Variants in CDH7 observed in about 807,000 individuals in gnomAD.
CDH7 encodes the protein cadherin 7.
Under a neutral mutation model 71.8 loss-of-function variants are expected in CDH7, and 25 were observed. The ratio of observed to expected loss-of-function variants is 0.35; its 90% CI spans 0.25 to 0.49. CDH7 has a LOEUF of 0.49. CDH7 is among the 20% of genes least tolerant of loss of function. The pLI is 0.99. For missense variants in CDH7, 862 were observed against 974.6 expected (o/e 0.88, Z 1.54); for synonymous variants, 381 against 363.8 (o/e 1.05, Z -0.54).
At chr18:65,808,730 C>A (rs1911417456) in intron 2 of CDH7, among the ~76,000 whole-genome samples, 1 of 151,862 alleles carries the variant, frequency 6.6e-6, no homozygotes, top group Admixed American at 6.6e-5. Flanking sequence ...TTAAAAAATG[C>A]AAACATAGTT....
Position 65,888,954 on chromosome 18 carries a change from G to A in CDH7, c.*8060G>A, listed in dbSNP as rs1599076311. On this transcript the variant is annotated 3_prime_UTR_variant, in exon 12 of 12. Transcript: ENST00000397968. ...TAATTATGCTTTAGTTCCCTTACCA[G>A]GATTAGGAAACTTCTTTGTGATTCT... 6.6e-6 allele frequency: 1 copy of A among 152,048 alleles called. No homozygotes were observed. The highest frequency in any genetic ancestry group is 1.5e-5 in the Non-Finnish European group (1 of 68,010). The allele number at this position is 152,048 out of a possible 1,614,324, so 9.4% of individuals were successfully genotyped here. A position where few individuals can be genotyped will look rare whatever the true frequency, so the allele number is the denominator to read the frequency against.
chr18:65,850,106 G>A (rs1351187866), intron 7 of CDH7, among the ~76,000 whole-genome samples: 2 of 150,956 alleles, frequency 1.3e-5, no homozygotes, highest in East Asian at 3.9e-4. Context: ...GGAGGGTGCA[G>A]TGAGCTGAGA....
rs1201620473 is a variant in CDH7 at position 65,866,300 on chromosome 18, AAAAAAAAAAAAAAAC to A, written c.1864+3398_1864+3412del. 3 of 2,010 alleles carry A rather than the reference AAAAAAAAAAAAAAAC, an allele frequency of 1.5e-3. 1 individual carries two copies. Among genetic ancestry groups the A allele is most frequent in the African/African-American group, 2.1e-3 (3 of 1,398 alleles). The allele number at this position is 2,010 out of a possible 1,614,324, so 0.1% of individuals were successfully genotyped here. A position where few individuals can be genotyped will look rare whatever the true frequency, so the allele number is the denominator to read the frequency against. On this transcript the variant is annotated intron_variant, in intron 11 of 11. Coordinates refer to ENST00000397968, the MANE Select transcript of CDH7 (RefSeq NM_004361.5). ...GGCGACAGAGCAAGACTCCGTCTCA[AAAAAAAAAAAAAAAC>A]AAAAAAAAAAAAAAACAAAAAAAAA...
chr18:65,776,654 C>T (rs1323042711), intron 2 of CDH7, among the ~76,000 whole-genome samples: 1 of 152,008 alleles, frequency 6.6e-6, no homozygotes, highest in Non-Finnish European at 1.5e-5. Flanking sequence ...CTTGACCATG[C>T]CTTAGGTCAG....
intron 2 of CDH7, among the ~76,000 whole-genome samples, chr18:65,781,051 G>T (rs916437984): frequency 2.0e-5 from 3 of 150,970 alleles, no homozygotes; most frequent in Non-Finnish European, 4.4e-5. Context: ...CTCTTCGGAA[G>T]TCAATGCAGC....
chr18:65,778,282 A>T (rs1234699145), intron 2 of CDH7, among the ~76,000 whole-genome samples: 12 of 150,156 alleles, frequency 8.0e-5, no homozygotes, highest in East Asian at 2.0e-4. Context: ...AAAAAAAAAA[A>T]AAAAAAAAAA....
intron 3 of CDH7, among the ~76,000 whole-genome samples, chr18:65,813,919 AG>A (rs1911632191): frequency 6.6e-6 from 1 of 152,158 alleles, no homozygotes; most frequent in South Asian, 2.1e-4. Context: ...TTTTGTTTTT[AG>A]ATCAATTGGC....
intron 6 of CDH7, among the ~76,000 whole-genome samples, chr18:65,837,637 G>A (rs549111242): frequency 1.3e-5 from 2 of 152,104 alleles, no homozygotes; most frequent in Non-Finnish European, 2.9e-5. Context: ...TTACAATGAC[G>A]AATTTTCTAA....
intron 2 of CDH7, among the ~76,000 whole-genome samples, chr18:65,807,242 G>C (rs1404882027): frequency 6.6e-6 from 1 of 152,036 alleles, no homozygotes; most frequent in Non-Finnish European, 1.5e-5. Context: ...TGACAACCCC[G>C]TAATGTTTAA....
chr18:65,819,199 C>G (rs1568202179), intron 4 of CDH7, among the ~76,000 whole-genome samples: 1 of 152,088 alleles, frequency 6.6e-6, no homozygotes, highest in East Asian at 1.9e-4. Flanking sequence ...GAAGTTACTG[C>G]CCTCTTTCCT....
chr18:65,759,080 G>T (rs1007423552), intron 1 of CDH7, among the ~76,000 whole-genome samples: 10 of 152,070 alleles, frequency 6.6e-5, no homozygotes, highest in African/African-American at 2.4e-4. Flanking sequence ...TAGCTAATTT[G>T]ATAAATCTCC....
In CDH7 at chr18:65,753,047, A is replaced by G. The variant is rs147218577; in HGVS notation, c.-197+1897A>G. Among the ~76,000 whole-genome samples the G allele has an allele frequency of 7.8e-4, 119 of 152,246 alleles. No homozygotes were observed. In the East Asian group the frequency reaches 0.02, roughly 25 times the overall value. On this transcript the variant is annotated intron_variant, in intron 1 of 11. Transcript: ENST00000397968. ...ATTGTAAAGCATCTATATTACTGCA[A>G]TTTACCCTTGAATTGACTCTAGTGT...
chr18:65,768,699 A>G (rs1224398897), intron 2 of CDH7, among the ~76,000 whole-genome samples: 7 of 152,170 alleles, frequency 4.6e-5, no homozygotes, highest in Non-Finnish European at 1.0e-4. Flanking sequence ...AAACGACAGA[A>G]TTAGATAAGC....
chr18:65,855,066 T>C (rs1445911753), intron 7 of CDH7, among the ~76,000 whole-genome samples: 1 of 151,962 alleles, frequency 6.6e-6, no homozygotes, highest in Non-Finnish European at 1.5e-5. Flanking sequence ...ATCAGGCCTC[T>C]AAAAAGTAAA....
rs1469047151 is a variant in CDH7 at position 65,887,600 on chromosome 18, TG to T, written c.*6707del. 9.2e-5 allele frequency: 14 copies of T among 152,204 alleles called. No individual in the cohort carries two copies. The highest frequency in any genetic ancestry group is 7.9e-4 in the Admixed American group (12 of 15,276). 9.4% of individuals were successfully genotyped at this position (152,204 alleles called of 1,614,324 possible). On this transcript the variant is annotated 3_prime_UTR_variant, in exon 12 of 12. Coordinates refer to ENST00000397968, the MANE Select transcript of CDH7 (RefSeq NM_004361.5). Reference sequence around the variant, plus strand: ...TGAATTTTGTGTGCGTATGTGTGTGTGTATATATAGACAGCATGCGCACACA... The same window carrying T: ...TGAATTTTGTGTGCGTATGTGTGTGTTATATATAGACAGCATGCGCACACA...
chr18:65,871,810 T>C lies in CDH7; in HGVS notation c.1865-8591T>C, dbSNP rs79114695. Among the ~76,000 whole-genome samples, 289 of 152,296 alleles carry C rather than the reference T, an allele frequency of 1.9e-3. 1 individual carries two copies. The highest frequency in any genetic ancestry group is 3.1e-3 in the East Asian group (16 of 5,186). Reference sequence around the variant, plus strand: ...ATTACCATTTTGAACATTTATTATATTCTGATGAGTATATATATTTGCATT... The same window carrying C: ...ATTACCATTTTGAACATTTATTATACTCTGATGAGTATATATATTTGCATT... On this transcript the variant is annotated intron_variant, in intron 11 of 11. Coordinates refer to ENST00000397968, the MANE Select transcript of CDH7 (RefSeq NM_004361.5).
intron 7 of CDH7, among the ~76,000 whole-genome samples, chr18:65,849,979 T>A: frequency 6.6e-6 from 1 of 151,388 alleles, no homozygotes; most frequent in Non-Finnish European, 1.5e-5. Context: ...GCCTGGCCCA[T>A]GTGGTGAAGC....
intron 2 of CDH7, among the ~76,000 whole-genome samples, chr18:65,788,432 G>A (rs1910589226): frequency 6.6e-6 from 1 of 152,188 alleles, no homozygotes; most frequent in African/African-American, 2.4e-5. Flanking sequence ...AAGAAAGAGA[G>A]AGGGAATGAG....
chr18:65,845,434 C>A (rs1055373733), intron 7 of CDH7, among the ~76,000 whole-genome samples: 12 of 152,058 alleles, frequency 7.9e-5, no homozygotes, highest in African/African-American at 2.9e-4. Flanking sequence ...ATAGAATAAG[C>A]CTTCCCCTCT....
Sources: gnomAD v4.1 joint callset for allele counts (sites outside exome capture counted in the v4.1 genomes callset) on GRCh38, gnomAD v4.1.1 for gene constraint, MANE v1.5 for transcripts, NCBI Gene and HGNC (gene_info 2026-07-23, HGNC 2026-07-21) for gene names.